SLC4A1: variants seen among roughly 807,000 people sequenced by gnomAD.
SLC4A1 encodes band 3 anion transport protein.
Under a neutral mutation model 93.1 loss-of-function variants are expected in SLC4A1, and 29 were observed. The observed-to-expected ratio is 0.31, with a 90% confidence interval of 0.23 to 0.42. The LOEUF (loss-of-function observed/expected upper bound fraction) is 0.42, where lower values mean the gene tolerates loss of function less well. Among genes scored for constraint, SLC4A1 ranks in the 20% least tolerant of loss-of-function variants. SLC4A1 has a pLI of 1.00. For synonymous variants in SLC4A1, 469 were observed against 497.2 expected, an observed-to-expected ratio of 0.94 and a Z score of 0.76; for missense variants, 965 against 1,190.1, an observed-to-expected ratio of 0.81 and a Z score of 2.78.
At chr17:44,266,144 G>A (rs1659340550) in intron 1 of SLC4A1, among the ~76,000 whole-genome samples, 1 of 152,122 alleles carries the variant, frequency 6.6e-6, no homozygotes, top group South Asian at 2.1e-4. Flanking sequence ...GGGGTGCGGG[G>A]GAGGGGTCCT....
At position 44,262,618 on chromosome 17, in the gene SLC4A1, G is replaced by A. The variant is rs952837281; in HGVS notation, c.106+18C>T. 15 of 1,589,398 alleles carry A rather than the reference G, an allele frequency of 9.4e-6. No homozygotes were observed. Among genetic ancestry groups the A allele is most frequent in the Non-Finnish European group, 1.1e-5 (13 of 1,163,012 alleles). ...GGCTCAGCAGCTCATCCCAGCTGAG[G>A]GAGGGAGAGGGGCTCACCTGCCGGC... On this transcript the variant is annotated intron_variant, in intron 3 of 19. Transcript: ENST00000262418.
chr17:44,259,461 G>A (rs1168549318), intron 8 of SLC4A1, 36 bp downstream of exon 8: 1 of 1,599,366 alleles, frequency 6.3e-7, no homozygotes, highest in Admixed American at 1.7e-5. Flanking sequence ...GACACGAGGG[G>A]TGTGGAGGGC....
intron 17 of SLC4A1, 31 bp from the exon 18 acceptor site, chr17:44,251,619 G>A: frequency 1.9e-6 from 3 of 1,612,762 alleles, no homozygotes; most frequent in Middle Eastern, 1.7e-4. Context: ...CTCAGCCCAG[G>A]TTGCCCGAGG....
chr17:44,259,217 G>C lies in SLC4A1; in HGVS notation c.822C>G (p.Pro274=). The C allele has an allele frequency of 6.2e-7, 1 of 1,614,030 alleles. No individual in the cohort carries two copies. Among genetic ancestry groups the C allele is most frequent in the Non-Finnish European group, 8.5e-7 (1 of 1,180,032 alleles). The change falls in exon 9 of 20, where the codon CCC becomes CCG. Residue 274 remains proline, a synonymous_variant. Transcript: ENST00000262418. ...FLFVLLGPEA[P]HIDYTQLGRA... ...GGCCAAGCTGGGTGTAATCGATGTG[G>C]GGGGCCTCAGGTCCCAGCAACACAA...
chr17:44,259,306 C>T lies in SLC4A1; in HGVS notation c.733G>A (p.Val245Met), dbSNP rs148170067. Reference protein sequence around the residue: ...DFLEQPVLGFVRLQEAAELEA... With the variant: ...DFLEQPVLGFMRLQEAAELEA... The stretch of plus-strand genomic sequence containing the variant: ...AGCTCCGCTGCCTCCTGCAGCCTCA[C>T]GAAGCCCAGCACCGGCTGCTCCAGG... The change falls in exon 9 of 20, where the codon GTG becomes ATG. Residue 245 changes from valine (V) to methionine (M), a missense_variant. Physicochemically the swap from Val to Met is conservative, Grantham distance 21. Transcript: ENST00000262418. The T allele has an allele frequency of 1.1e-3, 1,780 of 1,613,898 alleles. No individual in the cohort carries two copies. The highest frequency in any genetic ancestry group is 1.4e-3 in the Non-Finnish European group (1,647 of 1,179,994).
chr17:44,262,926 C>T lies in SLC4A1; in HGVS notation c.-60G>A, dbSNP rs75489266. 4.5e-4 allele frequency: 718 copies of T among 1,612,804 alleles called. 4 individuals carry two copies. The African/African-American group carries it at 7.7e-3, about 17-fold the overall frequency. Reference sequence around the variant, plus strand: ...TCTGAGCCCCCAGCATAACCCGCACCGCGGGTCCCTGCAGCAGAGGGCACA... The same window carrying T: ...TCTGAGCCCCCAGCATAACCCGCACTGCGGGTCCCTGCAGCAGAGGGCACA... On this transcript the variant is annotated 5_prime_UTR_variant, in exon 2 of 20. Transcript: ENST00000262418.
At position 44,254,487 on chromosome 17, in the gene SLC4A1, GTC is replaced by G. The variant is rs1567830064; in HGVS notation, c.2057+7_2057+8del. ...CCCTCCCAGGCCCAGCCCCCACCCT[GTC>G]TCTCACGTGGTGATCTGAGACTCCA... On this transcript the variant is annotated splice_region_variant and intron_variant, in intron 16 of 19. Coordinates refer to ENST00000262418, the MANE Select transcript of SLC4A1 (RefSeq NM_000342.4). 6.5e-7 allele frequency: 1 copy of G among 1,534,746 alleles called. No homozygotes were observed. Among genetic ancestry groups the G allele is most frequent in the South Asian group, 1.1e-5 (1 of 89,620 alleles).
At chr17:44,261,021 C>A (rs1429466637) in intron 4 of SLC4A1, among the ~76,000 whole-genome samples, 1 of 152,166 alleles carries the variant, frequency 6.6e-6, no homozygotes, top group Non-Finnish European at 1.5e-5. Context: ...GAACCCTGAC[C>A]CAAAGGGATG....
At position 44,259,836 on chromosome 17, in the gene SLC4A1, T is replaced by C. The variant is rs752112603; in HGVS notation, c.582A>G (p.Ser194=). The part of the protein sequence containing the change: ...PSQPLLPQHS[S]LETQLFCEQG... ...GCTCACAGAAGAGCTGTGTCTCCAGTGAGGAGTGTTGGGGGAGCAGAGGCT... is the reference window on the plus strand; with the variant it reads ...GCTCACAGAAGAGCTGTGTCTCCAGCGAGGAGTGTTGGGGGAGCAGAGGCT... The change falls in exon 7 of 20, where the codon TCA becomes TCG. Residue 194 remains serine, a synonymous_variant. Coordinates refer to ENST00000262418, the MANE Select transcript of SLC4A1 (RefSeq NM_000342.4). 3 of 1,613,736 alleles carry C rather than the reference T, an allele frequency of 1.9e-6. No individual in the cohort carries two copies. The highest frequency in any genetic ancestry group is 2.5e-6 in the Non-Finnish European group (3 of 1,179,966).
chr17:44,263,723 T>TTCCC (rs1448945391), intron 1 of SLC4A1, among the ~76,000 whole-genome samples: 9 of 148,012 alleles, frequency 6.1e-5, no homozygotes, highest in African/African-American at 2.3e-4. Context: ...CCTTCCTTCC[T>TTCCC]TCCTTCCTTC....
In SLC4A1 at chr17:44,258,365, TG is replaced by T; in HGVS notation, c.1087+47del. On this transcript the variant is annotated intron_variant, in intron 10 of 19. Transcript: ENST00000262418. This position sits in a 1 kb window ranked among gnomAD's most constrained non-coding sequence, Gnocchi z 6.1. ...GAGACAGAGGCTACGCTGAGGTGTC[TG>T]GGGGTCGGTGGGGGCTCAGAAAGCC... 1.3e-6 allele frequency: 2 copies of T among 1,571,152 alleles called. No homozygotes were observed. Among genetic ancestry groups the T allele is most frequent in the Non-Finnish European group, 1.8e-6 (2 of 1,141,480 alleles).
chr17:44,266,055 G>C (rs980967603), intron 1 of SLC4A1, among the ~76,000 whole-genome samples: 3 of 152,132 alleles, frequency 2.0e-5, no homozygotes, highest in African/African-American at 7.2e-5. Context: ...TGCAGTCCTG[G>C]GGGTAGGGAG....
Position 44,255,866 on chromosome 17 carries a change from C to A in SLC4A1, c.1627-20G>T. ...GAAGATCTGCAGCAGAAAACCAAGGCATTCTGTTCTCTCCCAGCTTTGGCT... is the reference window on the plus strand; with the variant it reads ...GAAGATCTGCAGCAGAAAACCAAGGAATTCTGTTCTCTCCCAGCTTTGGCT... On this transcript the variant is annotated intron_variant, in intron 13 of 19. Coordinates refer to ENST00000262418, the MANE Select transcript of SLC4A1 (RefSeq NM_000342.4). 2 of 1,613,950 alleles carry A rather than the reference C, an allele frequency of 1.2e-6. No homozygotes were observed. The highest frequency in any genetic ancestry group is 1.7e-6 in the Non-Finnish European group (2 of 1,179,886).
At chr17:44,262,099 C>A in intron 3 of SLC4A1, 1 of 991,064 alleles carries the variant, frequency 1.0e-6, no homozygotes. Context: ...CCTTATATTC[C>A]CACCCCTCCC....
At chr17:44,261,427 C>T (rs1416013227) in intron 4 of SLC4A1, 148 bp downstream of exon 4, 3 of 1,369,746 alleles carry the variant, frequency 2.2e-6, no homozygotes, top group Non-Finnish European at 1.0e-6. Flanking sequence ...GTCCCTCCCA[C>T]CTGTTTCCTG....
In SLC4A1 at chr17:44,257,660, G is replaced by A. The variant is rs777540700; in HGVS notation, c.1430C>T (p.Ser477Leu). The A allele has an allele frequency of 1.2e-5, 19 of 1,613,672 alleles. No homozygotes were observed. Among genetic ancestry groups the A allele is most frequent in the East Asian group, 6.7e-5 (3 of 44,880 alleles). Residue 477 changes from serine to leucine, a missense_variant and splice_region_variant, in exon 12 of 20, where the codon TCG (serine) becomes TTG (leucine). This residue lies in a region of SLC4A1 where 770 missense variants were observed against 1,006.6 expected (regional missense o/e 0.76). Transcript: ENST00000262418. The stretch of plus-strand genomic sequence containing the variant: ...TCAGTGGGGCAAGGACAGAACTACC[G>A]AGAAGAAGGCTTCCTCAAACACCAG... The part of the protein sequence containing the change: ...PLLVFEEAFF[S>L]FCETNGLEYI...
chr17:44,253,370 G>A lies in SLC4A1; in HGVS notation c.2059C>T (p.Leu687=), dbSNP rs146140722. 7 of 1,609,184 alleles carry A rather than the reference G, an allele frequency of 4.4e-6. No individual in the cohort carries two copies. The highest frequency in any genetic ancestry group is 6.0e-6 in the Non-Finnish European group (7 of 1,176,336). The change falls in exon 17 of 20, where the codon CTG becomes TTG. Residue 687 remains leucine, a splice_region_variant and synonymous_variant. Transcript: ENST00000262418. The stretch of plus-strand genomic sequence containing the variant: ...TTGCGCTCAGGTTTGCTGACAATCA[G>A]CCTACGGTAGGGGAAGGTGAGGGGT... ...LIFLESQITT[L]IVSKPERKMV...
chr17:44,261,290 T>C (rs1377967425), intron 4 of SLC4A1, among the ~76,000 whole-genome samples: 2 of 152,130 alleles, frequency 1.3e-5, no homozygotes, highest in East Asian at 3.9e-4. Flanking sequence ...TTTAATTCTG[T>C]GCTTCCCCAG....
intron 19 of SLC4A1, 64 bp from the exon 20 acceptor site, chr17:44,250,602 G>C: frequency 8.1e-7 from 1 of 1,240,138 alleles, no homozygotes; most frequent in South Asian, 1.2e-5. Flanking sequence ...GCCCTCCCCG[G>C]GCACGAAAGG....
Sources: gnomAD v4.1 joint callset for allele counts (sites outside exome capture counted in the v4.1 genomes callset) on GRCh38, gnomAD v4.1.1 for gene constraint, gnomAD v4.1.1 regional missense constraint, Gnocchi (gnomAD v3.1) non-coding constraint, MANE v1.5 for transcripts, NCBI Gene and HGNC (gene_info 2026-07-23, HGNC 2026-07-21) for gene names.